The following DGKB variants were observed in gnomAD, a reference collection of about 807,000 sequenced individuals.
The protein encoded by DGKB is diacylglycerol kinase beta.
A neutral mutation model predicts 114.3 loss-of-function variants in DGKB; 67 were observed. That is an observed-to-expected ratio of 0.59 (90% CI 0.48 to 0.72). The LOEUF is 0.72. Ranked by LOEUF, DGKB falls within the 30% of genes least tolerant of loss-of-function variation. DGKB has a pLI of 0.00. For missense variants in DGKB, 907 were observed against 975.2 expected, an observed-to-expected ratio of 0.93 and a Z score of 0.93; for synonymous variants, 398 against 323.1, an observed-to-expected ratio of 1.23 and a Z score of -2.49.
intron 2 of DGKB, among the ~76,000 whole-genome samples, chr7:14,801,946 A>ACACACACG (rs1483087695): frequency 1.3e-5 from 2 of 151,184 alleles, no homozygotes; most frequent in African/African-American, 2.4e-5. Context: ...ACACACACAC[A>ACACACACG]CGCACACACA....
intron 1 of DGKB, among the ~76,000 whole-genome samples, chr7:14,955,158 T>C (rs1028520893): frequency 3.3e-5 from 5 of 152,052 alleles, no homozygotes; most frequent in Non-Finnish European, 7.4e-5. Context: ...AATTAGGAGA[T>C]AAATGTGGAC....
chr7:14,608,966 A>G (rs1405710616), intron 16 of DGKB, among the ~76,000 whole-genome samples: 2 of 152,018 alleles, frequency 1.3e-5, no homozygotes, highest in Non-Finnish European at 2.9e-5. Flanking sequence ...AAGAATCACT[A>G]TCGTTAAATG....
chr7:14,387,054 T>C (rs1820457281), intron 21 of DGKB, among the ~76,000 whole-genome samples: 1 of 151,902 alleles, frequency 6.6e-6, no homozygotes, highest in African/African-American at 2.4e-5. Flanking sequence ...AAAGTAAAAA[T>C]ATATATGAGG....
intron 21 of DGKB, among the ~76,000 whole-genome samples, chr7:14,362,234 T>G (rs528385313): frequency 6.6e-6 from 1 of 152,158 alleles, no homozygotes; most frequent in South Asian, 2.1e-4. Flanking sequence ...AGTTTTAGTG[T>G]CCTTACATTA....
intron 4 of DGKB, among the ~76,000 whole-genome samples, chr7:14,739,714 C>CT (rs1358834760): frequency 6.6e-6 from 1 of 152,150 alleles, no homozygotes; most frequent in Non-Finnish European, 1.5e-5. Context: ...AGTCCTCAGA[C>CT]TTTTTCTGAA....
intron 2 of DGKB, among the ~76,000 whole-genome samples, chr7:14,784,818 A>C (rs1472796848): frequency 6.7e-6 from 1 of 149,380 alleles, no homozygotes; most frequent in African/African-American, 2.5e-5. Context: ...CTCCTGTGTC[A>C]ACTGCTGTTT....
chr7:14,399,670 G>T (rs1372226751), intron 21 of DGKB, among the ~76,000 whole-genome samples: 1 of 151,802 alleles, frequency 6.6e-6, no homozygotes, highest in African/African-American at 2.4e-5. Flanking sequence ...AAAACTTAGA[G>T]TTGATAGTAC....
chr7:14,702,469 G>C (rs2129012639), intron 6 of DGKB, among the ~76,000 whole-genome samples: 1 of 152,254 alleles, frequency 6.6e-6, no homozygotes, highest in Non-Finnish European at 1.5e-5. Context: ...AATCAAGTAA[G>C]GGAAAGGAGA....
intron 20 of DGKB, among the ~76,000 whole-genome samples, chr7:14,540,177 G>A (rs1434913667): frequency 6.6e-6 from 1 of 151,924 alleles, no homozygotes; most frequent in East Asian, 1.9e-4. Context: ...ACATCATTTT[G>A]GGAGGTATAA....
chr7:14,854,047 CG>C (rs367868353), intron 1 of DGKB, among the ~76,000 whole-genome samples: 54 of 152,186 alleles, frequency 3.5e-4, no homozygotes, highest in African/African-American at 1.1e-3. Context: ...TCATTATCTG[CG>C]GTAAGATCAA....
At chr7:14,459,898 C>G (rs1401356382) in intron 21 of DGKB, among the ~76,000 whole-genome samples, 1 of 152,142 alleles carries the variant, frequency 6.6e-6, no homozygotes, top group Admixed American at 6.6e-5. Context: ...CAGCAGATCT[C>G]TCTGCAGAAA....
intron 13 of DGKB, among the ~76,000 whole-genome samples, chr7:14,647,151 C>T (rs150717334): frequency 3.9e-5 from 6 of 152,028 alleles, no homozygotes; most frequent in African/African-American, 4.8e-5. Flanking sequence ...CACATAAATA[C>T]AAAGGATCAT....
At chr7:14,974,177 C>T (rs1322900658) in intron 1 of DGKB, among the ~76,000 whole-genome samples, 3 of 151,888 alleles carry the variant, frequency 2.0e-5, no homozygotes, top group African/African-American at 7.2e-5. Context: ...CAAAATTGAG[C>T]ATAAATAACC....
intron 20 of DGKB, among the ~76,000 whole-genome samples, chr7:14,570,039 A>C (rs1381667334): frequency 6.6e-6 from 1 of 151,308 alleles, no homozygotes; most frequent in Non-Finnish European, 1.5e-5. Context: ...CAAATTTGCT[A>C]TAATCTCATA....
chr7:14,787,937 C>T (rs1249523827), intron 2 of DGKB, among the ~76,000 whole-genome samples: 1 of 148,882 alleles, frequency 6.7e-6, no homozygotes, highest in Non-Finnish European at 1.5e-5. Context: ...AGATCCACCA[C>T]CATTACAGGT....
intron 20 of DGKB, among the ~76,000 whole-genome samples, chr7:14,503,846 A>G (rs1786591039): frequency 6.6e-6 from 1 of 151,674 alleles, no homozygotes; most frequent in Non-Finnish European, 1.5e-5. Flanking sequence ...AAGTCCAGAG[A>G]AGATATCAGG....
At chr7:14,325,864 G>A (rs1808618378) in intron 23 of DGKB, among the ~76,000 whole-genome samples, 4 of 152,112 alleles carry the variant, frequency 2.6e-5, no homozygotes, top group Admixed American at 6.6e-5. Flanking sequence ...GTTTGGATGT[G>A]CTTCAAATAT....
intron 21 of DGKB, among the ~76,000 whole-genome samples, chr7:14,382,246 T>A (rs1252188468): frequency 6.6e-6 from 1 of 151,424 alleles, no homozygotes; most frequent in East Asian, 1.9e-4. Flanking sequence ...TTATCCGTAA[T>A]CAGTAGAGCC....
intron 20 of DGKB, among the ~76,000 whole-genome samples, chr7:14,487,117 T>C (rs1783933015): frequency 6.6e-6 from 1 of 152,148 alleles, no homozygotes; most frequent in African/African-American, 2.4e-5. Flanking sequence ...TTCCATGAAA[T>C]GACTCCAGAC....
Sources: gnomAD v4.1 joint callset for allele counts (sites outside exome capture counted in the v4.1 genomes callset) on GRCh38, gnomAD v4.1.1 for gene constraint, MANE v1.5 for transcripts, NCBI Gene and HGNC (gene_info 2026-07-23, HGNC 2026-07-21) for gene names.